Variants in JMJD1C observed in about 807,000 individuals in gnomAD.
The protein encoded by JMJD1C is jumonji domain containing 1C, also known as jumonji domain-containing protein 1C.
Under a neutral mutation model 245.3 loss-of-function variants are expected in JMJD1C, and 31 were observed. The ratio of observed to expected loss-of-function variants is 0.13; its 90% CI spans 0.09 to 0.17. The LOEUF (loss-of-function observed/expected upper bound fraction) is 0.17. Among genes scored for constraint, JMJD1C ranks in the 10% least tolerant of loss-of-function variants. The pLI, the probability that JMJD1C is intolerant of heterozygous loss-of-function variation, is 1.00. For missense variants in JMJD1C, 2,691 were observed against 3,000.2 expected, an observed-to-expected ratio of 0.90 and a Z score of 2.41; for synonymous variants, 1,057 against 1,017.4, an observed-to-expected ratio of 1.04 and a Z score of -0.74.
In JMJD1C at chr10:63,184,635, G is replaced by C. The variant is rs1279515000; in HGVS notation, c.6934C>G (p.Leu2312Val). The C allele has an allele frequency of 1.9e-6, 3 of 1,613,604 alleles. No homozygotes were observed. The highest frequency in any genetic ancestry group is 8.5e-7 in the Non-Finnish European group (1 of 1,179,772). Residue 2312 changes from leucine to valine, a missense_variant, in exon 21 of 26, where the codon CTA becomes GTA. Leu to Val is a conservative substitution (Grantham distance 32). This residue lies in a region of JMJD1C where 232 missense variants were observed against 416.1 expected (regional missense o/e 0.56). Transcript: ENST00000399262. ...TAGGCACTGCACAACCTGGGTCCTA[G>C]ATCAGGACGTACAAAAAATCCTGGC... ...HLPGFFVRPD[L>V]GPRLCSAYGV...
At chr10:63,427,112 T>C (rs1231095367) in intron 1 of JMJD1C, among the ~76,000 whole-genome samples, 2 of 152,152 alleles carry the variant, frequency 1.3e-5, no homozygotes, top group African/African-American at 4.8e-5. Flanking sequence ...CACAACTCTT[T>C]TAAGATATAT....
At chr10:63,171,761 CAT>C (rs542065044) in intron 24 of JMJD1C, among the ~76,000 whole-genome samples, 8 of 152,178 alleles carry the variant, frequency 5.3e-5, no homozygotes, top group Non-Finnish European at 1.0e-4. Flanking sequence ...GAAATTCTAA[CAT>C]ATGCTGAAGT....
At chr10:63,281,087 C>A (rs1455258888) in intron 2 of JMJD1C, among the ~76,000 whole-genome samples, 1 of 151,082 alleles carries the variant, frequency 6.6e-6, no homozygotes, top group Non-Finnish European at 1.5e-5. Flanking sequence ...CCGCCTCCGC[C>A]TTCCAAAGTG....
At chr10:63,385,338 C>A (rs1040811619) in intron 1 of JMJD1C, among the ~76,000 whole-genome samples, 3 of 149,072 alleles carry the variant, frequency 2.0e-5, no homozygotes, top group African/African-American at 7.4e-5. Flanking sequence ...TATTTTTCCA[C>A]GTGCAGATGG....
chr10:63,193,440 G>C lies in JMJD1C; in HGVS notation c.5767C>G (p.Leu1923Val). The change falls in exon 15 of 26, where the codon CTT becomes GTT. Residue 1923 changes from leucine (L) to valine (V), a missense_variant. This residue lies in a region of JMJD1C where 275 missense variants were observed against 285.5 expected (regional missense o/e 0.96). Coordinates refer to ENST00000399262, the MANE Select transcript of JMJD1C (RefSeq NM_032776.3). ...GATTTAATACCATATTTTTCCCTAA[G>C]AGTGTGCATGGCATCTAGAAGATCT... ...LTDLLDAMHT[L>V]REKYGIKSHC... The C allele has an allele frequency of 6.3e-7, 1 of 1,597,146 alleles. No homozygotes were observed. The highest frequency in any genetic ancestry group is 1.1e-5 in the South Asian group (1 of 88,640).
rs1247014343 is a variant in JMJD1C at position 63,207,556 on chromosome 10, G to A, written c.4113C>T (p.Asn1371=). The A allele has an allele frequency of 1.9e-6, 3 of 1,614,118 alleles. No individual in the cohort carries two copies. The Admixed American group carries it at 5.0e-5, about 27-fold the overall frequency. Reference sequence around the variant, plus strand: ...CACTGCCCTGTGAGACAGCCTGAAAGTTTTTTTCAGATTTTGTGTGAACAC... The same window carrying A: ...CACTGCCCTGTGAGACAGCCTGAAAATTTTTTTCAGATTTTGTGTGAACAC... ...SDSVHTKSEK[N]FQAVSQGSVP... Residue 1371 remains asparagine, a synonymous_variant, in exon 10 of 26, where the codon AAC becomes AAT. Transcript: ENST00000399262.
chr10:63,276,841 C>G (rs1029316806), intron 2 of JMJD1C, among the ~76,000 whole-genome samples: 1 of 149,170 alleles, frequency 6.7e-6, no homozygotes, highest in Non-Finnish European at 1.5e-5. Flanking sequence ...GATATTGAAG[C>G]TTATACAGCA....
At chr10:63,489,925 C>T (rs1463163125) in intron 1 of JMJD1C, among the ~76,000 whole-genome samples, 3 of 152,164 alleles carry the variant, frequency 2.0e-5, no homozygotes, top group Non-Finnish European at 2.9e-5. Flanking sequence ...CCTGTGAGGG[C>T]GCATTATCTA....
intron 2 of JMJD1C, among the ~76,000 whole-genome samples, chr10:63,318,724 T>C (rs922525940): frequency 2.0e-5 from 3 of 152,150 alleles, no homozygotes; most frequent in African/African-American, 4.8e-5. Context: ...AGTACTGACC[T>C]AGACTTTTAG....
At chr10:63,490,434 T>G (rs554130261) in intron 1 of JMJD1C, among the ~76,000 whole-genome samples, 1 of 149,376 alleles carries the variant, frequency 6.7e-6, no homozygotes, top group Non-Finnish European at 1.5e-5. Flanking sequence ...TTTTTTTTTT[T>G]GAGACAAAGT....
At chr10:63,264,080 A>C (rs1441321939) in intron 3 of JMJD1C, among the ~76,000 whole-genome samples, 2 of 151,602 alleles carry the variant, frequency 1.3e-5, no homozygotes, top group Non-Finnish European at 2.9e-5. Flanking sequence ...TATTTAGCTT[A>C]ATACTTTTGA....
At chr10:63,375,241 C>T (rs1946639787) in intron 2 of JMJD1C, among the ~76,000 whole-genome samples, 1 of 130,844 alleles carries the variant, frequency 7.6e-6, no homozygotes, top group African/African-American at 2.9e-5. Context: ...GGCTGGAGTG[C>T]CCTGGTGCAA....
intron 3 of JMJD1C, among the ~76,000 whole-genome samples, chr10:63,226,985 T>C (rs1242577388): frequency 6.6e-6 from 1 of 152,082 alleles, no homozygotes; most frequent in East Asian, 1.9e-4. Context: ...GGAGAATCCC[T>C]TGAACCTGGG....
intron 1 of JMJD1C, among the ~76,000 whole-genome samples, chr10:63,464,685 A>C (rs1263150022): frequency 7.3e-6 from 1 of 136,582 alleles, no homozygotes; most frequent in Non-Finnish European, 1.6e-5. Flanking sequence ...TGGCAGCGTC[A>C]CATGTAAGAA....
At chr10:63,250,676 A>C (rs1852930962) in intron 3 of JMJD1C, among the ~76,000 whole-genome samples, 1 of 152,166 alleles carries the variant, frequency 6.6e-6, no homozygotes, top group Non-Finnish European at 1.5e-5. Context: ...AACGATATGG[A>C]TGTGCGATGA....
intron 9 of JMJD1C, 128 bp from the exon 10 acceptor site, chr10:63,208,929 A>G: frequency 9.5e-7 from 1 of 1,051,286 alleles, no homozygotes. Flanking sequence ...TACTATAATA[A>G]ATTTGAAGAA....
At position 63,168,309 on chromosome 10, in the gene JMJD1C, G is replaced by T. The variant is rs151178966; in HGVS notation, c.7533+126C>A. ...AAATCATACAATTAAATACATGTTGGTGTTAATCTTTGGTTGTCACCCTAA... is the reference window on the plus strand; with the variant it reads ...AAATCATACAATTAAATACATGTTGTTGTTAATCTTTGGTTGTCACCCTAA... On this transcript the variant is annotated intron_variant, in intron 25 of 25. Transcript: ENST00000399262. The T allele has an allele frequency of 5.9e-6, 6 of 1,016,904 alleles. No homozygotes were observed. The African/African-American group carries it at 8.0e-5, about 14-fold the overall frequency. The allele number at this position is 1,016,904 out of a possible 1,614,324, so 63.0% of individuals were successfully genotyped here. A position where few individuals can be genotyped will look rare whatever the true frequency, so the allele number is the denominator to read the frequency against.
At chr10:63,337,459 G>GA (rs1353197423) in intron 2 of JMJD1C, among the ~76,000 whole-genome samples, 1 of 75,170 alleles carries the variant, frequency 1.3e-5, no homozygotes, top group Admixed American at 1.2e-4. Flanking sequence ...GAGAAGGCGG[G>GA]GGGGGGGGAG....
intron 1 of JMJD1C, among the ~76,000 whole-genome samples, chr10:63,461,315 T>TCATTCATA (rs1589792840): frequency 6.6e-6 from 1 of 152,192 alleles, no homozygotes; most frequent in East Asian, 1.9e-4. Context: ...AATCATTCAT[T>TCATTCATA]CATTCATACA....
Sources: gnomAD v4.1 joint callset for allele counts (sites outside exome capture counted in the v4.1 genomes callset) on GRCh38, gnomAD v4.1.1 for gene constraint, gnomAD v4.1.1 regional missense constraint, MANE v1.5 for transcripts, NCBI Gene and HGNC (gene_info 2026-07-23, HGNC 2026-07-21) for gene names.